The following PARD3 variants were observed in gnomAD, a reference collection of about 807,000 sequenced individuals.
PARD3 encodes the protein partitioning defective 3 homolog.
PARD3 carries 75 observed loss-of-function variants against 155.4 expected under a neutral mutation model. The ratio of observed to expected loss-of-function variants is 0.48; its 90% CI spans 0.40 to 0.58. The LOEUF is 0.58. PARD3 is among the 20% of genes least tolerant of loss of function. PARD3 has a pLI of 0.00. For synonymous variants in PARD3, 576 were observed against 610.5 expected (o/e 0.94, Z 0.83); for missense variants, 1,642 against 1,721.7 (o/e 0.95, Z 0.82).
chr10:34,623,707 G>A (rs1302562343), intron 2 of PARD3, among the ~76,000 whole-genome samples: 6 of 150,990 alleles, frequency 4.0e-5, no homozygotes, highest in African/African-American at 1.2e-4. Flanking sequence ...AGGGCCAGGT[G>A]CAGGGGCTCA....
intron 3 of PARD3, among the ~76,000 whole-genome samples, chr10:34,477,923 G>A (rs2078819454): frequency 6.6e-6 from 1 of 152,160 alleles, no homozygotes; most frequent in African/African-American, 2.4e-5. Flanking sequence ...ATCTAACCAT[G>A]GGAAGAACCA....
chr10:34,731,844 A>C (rs2094823852), intron 1 of PARD3, among the ~76,000 whole-genome samples: 1 of 151,492 alleles, frequency 6.6e-6, no homozygotes, highest in Non-Finnish European at 1.5e-5. Context: ...TATTTACAAG[A>C]GAGGAGTGAA....
chr10:34,253,884 A>G (rs1954478861), intron 22 of PARD3, among the ~76,000 whole-genome samples: 1 of 152,154 alleles, frequency 6.6e-6, no homozygotes, highest in Non-Finnish European at 1.5e-5. Flanking sequence ...AATAATGTGG[A>G]CACACAGAAG....
At chr10:34,141,237 T>C (rs1026623385) in intron 22 of PARD3, among the ~76,000 whole-genome samples, 1 of 152,210 alleles carries the variant, frequency 6.6e-6, no homozygotes, top group African/African-American at 2.4e-5. Context: ...AAATATCATG[T>C]CATTTTCAGT....
chr10:34,537,192 A>G (rs2083286138), intron 2 of PARD3, among the ~76,000 whole-genome samples: 1 of 152,148 alleles, frequency 6.6e-6, no homozygotes. Context: ...CTGTAGAGAC[A>G]GGGTCTCAAT....
At chr10:34,159,657 T>C (rs1226955386) in intron 22 of PARD3, among the ~76,000 whole-genome samples, 1 of 152,220 alleles carries the variant, frequency 6.6e-6, no homozygotes, top group Non-Finnish European at 1.5e-5. Flanking sequence ...ACAAGGTCCT[T>C]ATCCATTAGT....
rs184293483 is a variant in PARD3 at position 34,640,665 on chromosome 10, C to T, written c.222+55653G>A. Among the ~76,000 whole-genome samples, 26 of 130,900 alleles carry T rather than the reference C, an allele frequency of 2.0e-4. No individual in the cohort carries two copies. The East Asian group carries it at 3.6e-3, about 18-fold the overall frequency. The allele number at this position is 130,900 out of a possible 152,430, so 85.9% of individuals were successfully genotyped here. On this transcript the variant is annotated intron_variant, in intron 2 of 24. Coordinates refer to ENST00000374788, the MANE Select transcript of PARD3 (RefSeq NM_001184785.2). ...TGGAGGCTGTGGTGAGCCAAGAAAG[C>T]GCCACTGTACTCCAGCTTGGACAAC...
At chr10:34,690,591 C>T (rs949701001) in intron 2 of PARD3, among the ~76,000 whole-genome samples, 4 of 152,206 alleles carry the variant, frequency 2.6e-5, no homozygotes, top group African/African-American at 9.6e-5. Context: ...ATAAATCCTA[C>T]TTGTGCAACA....
chr10:34,793,724 T>G (rs1251449522), intron 1 of PARD3, among the ~76,000 whole-genome samples: 1 of 151,488 alleles, frequency 6.6e-6, no homozygotes, highest in Non-Finnish European at 1.5e-5. Context: ...AGGCGGAGGT[T>G]GCAGTGAGCC....
At chr10:34,119,171 C>T (rs113116113) in intron 24 of PARD3, among the ~76,000 whole-genome samples, 1 of 152,118 alleles carries the variant, frequency 6.6e-6, no homozygotes, top group African/African-American at 2.4e-5. Flanking sequence ...ACCATGGATC[C>T]CACACAACCA....
intron 7 of PARD3, among the ~76,000 whole-genome samples, chr10:34,388,886 A>G (rs1335887588): frequency 6.6e-6 from 1 of 152,198 alleles, no homozygotes; most frequent in Non-Finnish European, 1.5e-5. Flanking sequence ...TTATGCTAGG[A>G]CAAAAGACAT....
intron 2 of PARD3, among the ~76,000 whole-genome samples, chr10:34,552,438 T>G (rs2084657809): frequency 6.6e-6 from 1 of 152,268 alleles, no homozygotes. Context: ...CTGGGAGTAG[T>G]GGCTCACGCC....
chr10:34,686,601 C>T (rs1250906712), intron 2 of PARD3, among the ~76,000 whole-genome samples: 2 of 151,786 alleles, frequency 1.3e-5, no homozygotes, highest in African/African-American at 4.8e-5. Flanking sequence ...ATTAGCCAGG[C>T]ATGGTGGTGG....
intron 19 of PARD3, among the ~76,000 whole-genome samples, chr10:34,322,877 G>C (rs902611697): frequency 1.3e-5 from 2 of 152,144 alleles, no homozygotes; most frequent in African/African-American, 4.8e-5. Context: ...ACAGATACTT[G>C]AGCAATTTAC....
intron 11 of PARD3, among the ~76,000 whole-genome samples, chr10:34,373,586 G>C (rs1347856775): frequency 6.6e-6 from 1 of 151,632 alleles, no homozygotes; most frequent in African/African-American, 2.4e-5. Context: ...TTTAGGATCA[G>C]GTGGCATTTT....
chr10:34,536,512 A>C (rs1450561937), intron 2 of PARD3, among the ~76,000 whole-genome samples: 1 of 152,258 alleles, frequency 6.6e-6, no homozygotes, highest in Admixed American at 6.5e-5. Flanking sequence ...CAGTTTTCTA[A>C]AAACACTATT....
At chr10:34,268,833 T>G (rs1660637) in intron 22 of PARD3, among the ~76,000 whole-genome samples, 1 of 151,888 alleles carries the variant, frequency 6.6e-6, no homozygotes, top group Admixed American at 6.6e-5. Context: ...ATGTAAATGA[T>G]GAGTTAATGG....
At chr10:34,120,004 ATT>A (rs1185067110) in intron 23 of PARD3, among the ~76,000 whole-genome samples, 220 of 73,798 alleles carry the variant, frequency 3.0e-3, no homozygotes, top group African/African-American at 0.012. Context: ...GTCTTCTTTA[ATT>A]TTTTTTTTTT....
intron 12 of PARD3, among the ~76,000 whole-genome samples, chr10:34,369,341 TTTATTTATTGGCTTATCTGCTATCG>T (rs1840345241): frequency 7.1e-6 from 1 of 140,700 alleles, no homozygotes; most frequent in African/African-American, 2.7e-5. Context: ...TATTTATTTA[TTTATTTATTGGCTTATCTGCTATCG>T]TTAGTGTTAG....
Sources: allele counts gnomAD v4.1 joint callset (sites outside exome capture counted in the v4.1 genomes callset), GRCh38; gene constraint gnomAD v4.1.1; transcripts MANE v1.5; gene names NCBI Gene and HGNC (gene_info 2026-07-23, HGNC 2026-07-21).